Variants in SMOC1 observed in about 807,000 individuals in gnomAD.
The protein encoded by SMOC1 is SPARC-related modular calcium-binding protein 1.
Under a neutral mutation model 56.3 loss-of-function variants are expected in SMOC1, and 22 were observed. The ratio of observed to expected loss-of-function variants is 0.39; its 90% confidence interval spans 0.28 to 0.56. The LOEUF is 0.56. Among genes scored for constraint, SMOC1 ranks in the 20% least tolerant of loss-of-function variants. The pLI is 0.61. For missense variants in SMOC1, 509 were observed against 565.4 expected (o/e 0.90, Z 1.01); for synonymous variants, 193 against 215.0 (o/e 0.90, Z 0.89).
chr14:69,944,385 G>A (rs1882704771), intron 1 of SMOC1, among the ~76,000 whole-genome samples: 1 of 152,184 alleles, frequency 6.6e-6, no homozygotes, highest in African/African-American at 2.4e-5. Flanking sequence ...GGAAGGAGCT[G>A]CAGAGCTGGG....
At chr14:69,985,646 G>A (rs979866397) in intron 5 of SMOC1, among the ~76,000 whole-genome samples, 11 of 152,204 alleles carry the variant, frequency 7.2e-5, no homozygotes, top group African/African-American at 2.7e-4. Context: ...GTAGTGTGAT[G>A]CAATCTCACA....
intron 11 of SMOC1, among the ~76,000 whole-genome samples, chr14:70,028,586 C>T (rs549304934): frequency 2.6e-4 from 39 of 152,314 alleles, no homozygotes; most frequent in Admixed American, 2.0e-3. Flanking sequence ...GAGCTGGTTA[C>T]GGCTAGCTGT....
intron 5 of SMOC1, among the ~76,000 whole-genome samples, chr14:69,980,100 G>T (rs1297483418): frequency 6.6e-6 from 1 of 152,194 alleles, no homozygotes; most frequent in Admixed American, 6.5e-5. Flanking sequence ...TCAGTTTACA[G>T]TCAACAGTGA....
At chr14:69,949,531 G>A (rs1882916495) in intron 1 of SMOC1, among the ~76,000 whole-genome samples, 1 of 152,226 alleles carries the variant, frequency 6.6e-6, no homozygotes, top group African/African-American at 2.4e-5. Context: ...TGTGTGAAGA[G>A]CCATGAAGGA....
chr14:70,011,022 T>G, intron 8 of SMOC1, 76 bp downstream of exon 8: 2 of 1,542,736 alleles, frequency 1.3e-6, no homozygotes, highest in Non-Finnish European at 1.8e-6. Flanking sequence ...CCAGTGTTCC[T>G]GCCCTGGTCT....
chr14:69,916,772 C>T (rs1884697702), intron 1 of SMOC1, among the ~76,000 whole-genome samples: 1 of 152,218 alleles, frequency 6.6e-6, no homozygotes, highest in African/African-American at 2.4e-5. Flanking sequence ...CCATCTTCAC[C>T]CTCCTTACAC....
chr14:69,882,312 TC>T (rs1883664889), intron 1 of SMOC1, among the ~76,000 whole-genome samples: 1 of 152,210 alleles, frequency 6.6e-6, no homozygotes, highest in Non-Finnish European at 1.5e-5. Context: ...AGGATTGGCA[TC>T]TTTTCCAGCT....
At chr14:69,908,533 A>G (rs185617664) in intron 1 of SMOC1, among the ~76,000 whole-genome samples, 151 of 152,294 alleles carry the variant, frequency 9.9e-4, no homozygotes, top group African/African-American at 3.1e-3. Flanking sequence ...CTCTGGCCGC[A>G]GGACAGCCTG....
intron 7 of SMOC1, among the ~76,000 whole-genome samples, chr14:69,996,637 C>A (rs1374088336): frequency 1.3e-5 from 2 of 152,212 alleles, no homozygotes; most frequent in Non-Finnish European, 2.9e-5. Flanking sequence ...TTGGGGTGGC[C>A]TGGCCACGTT....
At chr14:69,927,885 A>G (rs1885052331) in intron 1 of SMOC1, among the ~76,000 whole-genome samples, 1 of 152,102 alleles carries the variant, frequency 6.6e-6, no homozygotes, top group African/African-American at 2.4e-5. Flanking sequence ...CTCCAGGGGT[A>G]ATGGATCCGA....
At chr14:69,903,644 A>T (rs1436806347) in intron 1 of SMOC1, among the ~76,000 whole-genome samples, 2 of 152,198 alleles carry the variant, frequency 1.3e-5, no homozygotes, top group Non-Finnish European at 2.9e-5. Context: ...GTGTCCAGTC[A>T]GGGTTAAATG....
At chr14:69,929,021 C>G (rs1335360680) in intron 1 of SMOC1, among the ~76,000 whole-genome samples, 1 of 152,192 alleles carries the variant, frequency 6.6e-6, no homozygotes, top group Non-Finnish European at 1.5e-5. Flanking sequence ...GTCCTGATCC[C>G]TCAGGAAGGT....
chr14:70,020,036 G>C (rs1335028749), intron 10 of SMOC1, among the ~76,000 whole-genome samples: 1 of 149,422 alleles, frequency 6.7e-6, no homozygotes, highest in Non-Finnish European at 1.5e-5. Flanking sequence ...TCCAGCTACT[G>C]TCTTTTGTCT....
intron 1 of SMOC1, among the ~76,000 whole-genome samples, chr14:69,929,642 C>A (rs1220801268): frequency 6.6e-6 from 1 of 152,038 alleles, no homozygotes; most frequent in Non-Finnish European, 1.5e-5. Context: ...CTCAGGGAAG[C>A]CAGAGTATTG....
At chr14:69,945,763 A>G (rs142192525) in intron 1 of SMOC1, among the ~76,000 whole-genome samples, 43 of 152,300 alleles carry the variant, frequency 2.8e-4, no homozygotes, top group African/African-American at 1.0e-3. Context: ...TTGGCCTGTG[A>G]TTTTTGAGTA....
At chr14:69,975,219 T>A (rs1230388259) in intron 3 of SMOC1, among the ~76,000 whole-genome samples, 1 of 152,146 alleles carries the variant, frequency 6.6e-6, no homozygotes, top group Non-Finnish European at 1.5e-5. Context: ...GGTGCATGCT[T>A]GTAATCCTAG....
At chr14:69,888,256 A>T (rs1347738038) in intron 1 of SMOC1, among the ~76,000 whole-genome samples, 2 of 152,142 alleles carry the variant, frequency 1.3e-5, no homozygotes, top group Non-Finnish European at 2.9e-5. Flanking sequence ...ATCACTTCCA[A>T]CTGTCCCCAT....
At chr14:70,029,546 T>C (rs1162129875) in intron 11 of SMOC1, among the ~76,000 whole-genome samples, 2 of 151,888 alleles carry the variant, frequency 1.3e-5, no homozygotes, top group Non-Finnish European at 2.9e-5. Context: ...CCAAACAACT[T>C]TTTGCTCTTT....
intron 1 of SMOC1, among the ~76,000 whole-genome samples, chr14:69,941,887 T>C (rs577471328): frequency 6.6e-6 from 1 of 152,348 alleles, no homozygotes; most frequent in African/African-American, 2.4e-5. Flanking sequence ...GAAATTCTCC[T>C]GGATCCTTTC....
Sources: gnomAD v4.1 joint callset for allele counts (sites outside exome capture counted in the v4.1 genomes callset) on GRCh38, gnomAD v4.1.1 for gene constraint, MANE v1.5 for transcripts, NCBI Gene and HGNC (gene_info 2026-07-23, HGNC 2026-07-21) for gene names.